The following TENM2 variants were observed in gnomAD, a reference collection of about 807,000 sequenced individuals.
The protein encoded by TENM2 is teneurin transmembrane protein 2, also known as teneurin-2.
TENM2 carries 52 observed loss-of-function variants against 245.2 expected under a neutral mutation model. That is an observed-to-expected ratio of 0.21 (90% CI 0.17 to 0.27). The LOEUF (loss-of-function observed/expected upper bound fraction) is 0.27, where lower values mean the gene tolerates loss of function less well. Among genes scored for constraint, TENM2 ranks in the 10% least tolerant of loss-of-function variants. The pLI is 1.00. For missense variants in TENM2, 3,046 were observed against 3,666.8 expected (o/e 0.83, Z 4.37); for synonymous variants, 1,363 against 1,438.9 (o/e 0.95, Z 1.19).
the TENM2 span, among the ~76,000 whole-genome samples, chr5:166,981,262 C>G: frequency 6.6e-6 from 1 of 151,648 alleles, no homozygotes. Context: ...GAAAGCTCAG[C>G]TTATTCATGG....
chr5:167,358,838 CACACACACACACA>C (rs1561891598), intron 1 of TENM2, among the ~76,000 whole-genome samples: 7 of 124,216 alleles, frequency 5.6e-5, no homozygotes, highest in Admixed American at 7.8e-5. Flanking sequence ...CACACACACA[CACACACACACACA>C]CCCTGCTGTT....
rs1399350250 is a variant in TENM2 at position 167,512,342 on chromosome 5, A to G, written c.502+136869A>G. 2.0e-5 allele frequency among the ~76,000 whole-genome samples: 3 copies of G among 152,164 alleles called. No individual in the cohort carries two copies. In the East Asian group the frequency reaches 5.8e-4, roughly 29 times the overall value. ...TGGCCCACACAGCTGTTAATGGGTA[A>G]CTCTGATTCTTGCTTTTTAAATTTG... is the stretch of plus-strand genomic sequence containing the variant. On this transcript the variant is annotated intron_variant, in intron 2 of 28. Transcript: ENST00000518659.
chr5:167,565,811 T>A (rs1248406392), intron 2 of TENM2, among the ~76,000 whole-genome samples: 2 of 152,152 alleles, frequency 1.3e-5, no homozygotes, highest in Non-Finnish European at 2.9e-5. Flanking sequence ...TTATTCCCAT[T>A]TTGCTCTCAC....
chr5:167,110,911 CAG>C, the TENM2 span, among the ~76,000 whole-genome samples: 1 of 152,144 alleles, frequency 6.6e-6, no homozygotes, highest in African/African-American at 2.4e-5. Context: ...TAGAAAAAGA[CAG>C]AAATGTGATA....
At chr5:168,060,837 A>G (rs547847737) in intron 6 of TENM2, among the ~76,000 whole-genome samples, 450 of 152,316 alleles carry the variant, frequency 3.0e-3, no homozygotes, top group Non-Finnish European at 5.0e-3. Flanking sequence ...ACCAAGAGAC[A>G]GTGTCAGACA....
At chr5:167,512,346 T>A (rs560458180) in intron 2 of TENM2, among the ~76,000 whole-genome samples, 1 of 152,314 alleles carries the variant, frequency 6.6e-6, no homozygotes, top group Non-Finnish European at 1.5e-5. Flanking sequence ...TGGGTAACTC[T>A]GATTCTTGCT....
intron 7 of TENM2, among the ~76,000 whole-genome samples, chr5:168,068,004 C>T (rs1790654384): frequency 6.6e-6 from 1 of 152,066 alleles, no homozygotes; most frequent in South Asian, 2.1e-4. Flanking sequence ...ACCAAGAGAA[C>T]CTTGGTTTCT....
intron 3 of TENM2, among the ~76,000 whole-genome samples, chr5:167,925,655 A>G (rs959261397): frequency 6.6e-6 from 1 of 152,224 alleles, no homozygotes; most frequent in African/African-American, 2.4e-5. Flanking sequence ...GCACGCACAT[A>G]AATGTTCATC....
intron 7 of TENM2, among the ~76,000 whole-genome samples, chr5:168,072,119 A>G (rs1252828766): frequency 4.6e-5 from 7 of 152,148 alleles, no homozygotes; most frequent in Admixed American, 3.3e-4. Flanking sequence ...CCTCCTATTG[A>G]TCTTGGGAGG....
At chr5:168,102,922 C>T (rs1793935963) in intron 9 of TENM2, among the ~76,000 whole-genome samples, 1 of 152,008 alleles carries the variant, frequency 6.6e-6, no homozygotes, top group Admixed American at 6.5e-5. Flanking sequence ...GGTACATGTG[C>T]ACAACGTGCA....
At chr5:167,654,590 CTT>C (rs752856203) in intron 2 of TENM2, among the ~76,000 whole-genome samples, 16 of 144,448 alleles carry the variant, frequency 1.1e-4, no homozygotes, top group Admixed American at 1.4e-4. Context: ...ATCTCATTCA[CTT>C]TTTTTTTTTT....
intron 2 of TENM2, among the ~76,000 whole-genome samples, chr5:167,765,829 T>C (rs1762981634): frequency 6.6e-6 from 1 of 152,208 alleles, no homozygotes; most frequent in Admixed American, 6.5e-5. Flanking sequence ...AGTGATGTTG[T>C]CATGTTATCA....
At chr5:167,850,245 C>A (rs1440711407) in intron 2 of TENM2, among the ~76,000 whole-genome samples, 1 of 152,206 alleles carries the variant, frequency 6.6e-6, no homozygotes. Context: ...CACAATATCA[C>A]AGTAACATGT....
At chr5:167,492,682 AC>A (rs1270608090) in intron 2 of TENM2, among the ~76,000 whole-genome samples, 1 of 152,138 alleles carries the variant, frequency 6.6e-6, no homozygotes, top group Non-Finnish European at 1.5e-5. Flanking sequence ...CAAGAGTAAA[AC>A]AAAAAGGCAT....
At chr5:166,989,715 TA>T in the TENM2 span, among the ~76,000 whole-genome samples, 2 of 151,516 alleles carry the variant, frequency 1.3e-5, no homozygotes, top group African/African-American at 4.9e-5. Flanking sequence ...TATTTACCAT[TA>T]TTCCTTATAT....
the TENM2 span, among the ~76,000 whole-genome samples, chr5:167,014,984 A>C: frequency 6.6e-6 from 1 of 152,308 alleles, no homozygotes; most frequent in East Asian, 1.9e-4. Context: ...GGTTCTAAAA[A>C]ATTTATATAA....
intron 14 of TENM2, among the ~76,000 whole-genome samples, chr5:168,194,155 G>T (rs1003834407): frequency 6.6e-6 from 1 of 152,242 alleles, no homozygotes; most frequent in African/African-American, 2.4e-5. Context: ...CAGAAACTGG[G>T]AGTGTGTCCA....
the TENM2 span, among the ~76,000 whole-genome samples, chr5:167,229,658 A>T: frequency 6.6e-6 from 1 of 152,136 alleles, no homozygotes. Context: ...CTGCGGGTAG[A>T]CTGGGCTCAG....
chr5:167,559,420 G>T (rs1291069829), intron 2 of TENM2, among the ~76,000 whole-genome samples: 2 of 152,182 alleles, frequency 1.3e-5, no homozygotes, highest in African/African-American at 4.8e-5. Context: ...GGGTGAAGAG[G>T]CCACAACCAT....
Sources: gnomAD v4.1 joint callset for allele counts (sites outside exome capture counted in the v4.1 genomes callset) on GRCh38, gnomAD v4.1.1 for gene constraint, MANE v1.5 for transcripts, NCBI Gene and HGNC (gene_info 2026-07-23, HGNC 2026-07-21) for gene names.